The following DYSF variants were observed in gnomAD, a reference collection of about 807,000 sequenced individuals.
DYSF encodes the protein dysferlin.
In DYSF, 212 loss-of-function variants were observed where a neutral mutation model predicts 274.9. That is an observed-to-expected ratio of 0.77 (90% CI 0.69 to 0.86). The LOEUF (loss-of-function observed/expected upper bound fraction) is 0.86. Ranked by LOEUF, DYSF falls within the 40% of genes least tolerant of loss-of-function variation. The pLI, the probability that DYSF is intolerant of heterozygous loss-of-function variation, is 0.00. For missense variants in DYSF, 2,666 were observed against 2,783.2 expected (o/e 0.96, Z 0.95); for synonymous variants, 1,091 against 1,078.7 (o/e 1.01, Z -0.22).
rs374308933 is a variant in DYSF at position 71,602,863 on chromosome 2, G to T, written c.3957+58G>T. The T allele has an allele frequency of 5.2e-5, 84 of 1,600,070 alleles. No homozygotes were observed. The African/African-American group carries it at 1.0e-3, about 20-fold the overall frequency. ...CCGAGGTAGAGGGAAGGTGAAGCCAGCCTTCAAGCACACACCTGGAGCCTT... is the reference window on the plus strand; with the variant it reads ...CCGAGGTAGAGGGAAGGTGAAGCCATCCTTCAAGCACACACCTGGAGCCTT... On this transcript the variant is annotated intron_variant, in intron 36 of 55. Transcript: ENST00000410020.
rs1553506586 is a variant in DYSF, at chr2:71,478,273, GCC to G, written c.92-2609_92-2608del. On this transcript the variant is annotated intron_variant, in intron 1 of 55. Coordinates refer to ENST00000410020, the MANE Select transcript of DYSF (RefSeq NM_001130987.2). ...GTCGCCCAGGCTGGAGTGCAGTGGT[GCC>G]ATCTCGGCTCACTGCAAGCCCCGCC... is the stretch of plus-strand genomic sequence containing the variant. Among the ~76,000 whole-genome samples the G allele has an allele frequency of 4.6e-4, 69 of 149,990 alleles. No homozygotes were observed. The Middle Eastern group carries it at 0.01, about 23-fold the overall frequency.
At chr2:71,583,955 G>A (rs1400366695) in intron 30 of DYSF, among the ~76,000 whole-genome samples, 7 of 152,136 alleles carry the variant, frequency 4.6e-5, no homozygotes, top group Non-Finnish European at 1.0e-4. Context: ...CCAGGGAGCC[G>A]TGGCTTCCAG....
intron 13 of DYSF, 120 bp downstream of exon 13, chr2:71,526,466 C>CCA: frequency 7.1e-7 from 1 of 1,412,298 alleles, no homozygotes; most frequent in Non-Finnish European, 9.5e-7. Context: ...TCTAGGAAAA[C>CCA]AATCAGAATT....
rs2087184385 is a variant in DYSF, at chr2:71,520,840, C to T, written c.1085C>T (p.Ser362Phe). The T allele has an allele frequency of 6.2e-7, 1 of 1,614,008 alleles. No homozygotes were observed. The highest frequency in any genetic ancestry group is 1.3e-5 in the African/African-American group (1 of 74,906). The stretch of plus-strand genomic sequence containing the variant: ...CTGCTCTCAGACCCTGATGACTTCT[C>T]TGCTGGGGCCAGAGGCTACCTGAAA... Reference protein sequence around the residue: ...WLLLSDPDDFSAGARGYLKTS... With the variant: ...WLLLSDPDDFFAGARGYLKTS... Residue 362 changes from serine (S) to phenylalanine (F), a missense_variant, in exon 12 of 56, where the codon TCT (serine) becomes TTT (phenylalanine). Ser to Phe is a radical substitution (Grantham distance 155). This residue lies in a region of DYSF where 794 missense variants were observed against 777.1 expected (regional missense o/e 1.02). Coordinates refer to ENST00000410020, the MANE Select transcript of DYSF (RefSeq NM_001130987.2).
chr2:71,547,173 G>C (rs1288849663), intron 17 of DYSF, among the ~76,000 whole-genome samples: 1 of 152,236 alleles, frequency 6.6e-6, no homozygotes, highest in Non-Finnish European at 1.5e-5. Context: ...CTGTGCTCTT[G>C]AACTGTCTGC....
chr2:71,647,210 G>A (rs1249387514), intron 42 of DYSF, among the ~76,000 whole-genome samples: 1 of 151,916 alleles, frequency 6.6e-6, no homozygotes, highest in African/African-American at 2.4e-5. Flanking sequence ...GAATAACAAG[G>A]TAAATGTTTT....
intron 22 of DYSF, among the ~76,000 whole-genome samples, 164 bp from the exon 23 acceptor site, chr2:71,561,588 C>A (rs535314653): frequency 6.6e-6 from 1 of 152,132 alleles, no homozygotes. Flanking sequence ...GAGGGTGGAG[C>A]ACATCACATA....
intron 17 of DYSF, among the ~76,000 whole-genome samples, chr2:71,543,994 C>T (rs1483790033): frequency 2.0e-5 from 3 of 150,982 alleles, no homozygotes. Context: ...GGGCTCAAGC[C>T]TTCTTTTTTC....
intron 51 of DYSF, among the ~76,000 whole-genome samples, chr2:71,671,095 C>A (rs1022850665): frequency 6.6e-6 from 1 of 152,178 alleles, no homozygotes; most frequent in African/African-American, 2.4e-5. Flanking sequence ...CCCTTCCCAG[C>A]CTAACATGCA....
intron 42 of DYSF, among the ~76,000 whole-genome samples, chr2:71,655,343 G>T (rs1462392637): frequency 6.6e-6 from 1 of 152,106 alleles, no homozygotes; most frequent in Non-Finnish European, 1.5e-5. Context: ...AGAAAAGATA[G>T]AACTTGACCT....
At chr2:71,537,851 C>T (rs1271764834) in intron 16 of DYSF, among the ~76,000 whole-genome samples, 1 of 152,100 alleles carries the variant, frequency 6.6e-6, no homozygotes, top group Non-Finnish European at 1.5e-5. Flanking sequence ...GAGAGGGGGT[C>T]TACGGGGCAC....
intron 49 of DYSF, 32 bp from the exon 50 acceptor site, chr2:71,669,080 T>C: frequency 1.3e-6 from 2 of 1,546,252 alleles, no homozygotes; most frequent in Non-Finnish European, 1.8e-6. Flanking sequence ...TGGTAGGAAA[T>C]CTAGGTGGAT....
chr2:71,461,975 C>T (rs143446750), upstream of DYSF, among the ~76,000 whole-genome samples: 569 of 152,322 alleles, frequency 3.7e-3, 4 homozygotes, highest in African/African-American at 0.013. Context: ...ACCCAGTGAG[C>T]TCTGGGCATA....
In DYSF at chr2:71,686,466, A is replaced by G. The variant is rs2152976526; in HGVS notation, c.6334A>G (p.Met2112Val). Residue 2112 changes from methionine to valine, a missense_variant, in exon 56 of 56, where the codon ATG (methionine) becomes GTG (valine). Around this residue, in one of 3 missense-constraint regions of DYSF, gnomAD observed 1,460 missense variants for 1,502.1 expected, o/e 0.97. Coordinates refer to ENST00000410020, the MANE Select transcript of DYSF (RefSeq NM_001130987.2). ...FIYAFPNYAAMKLVKPFS is the reference protein window; with the variant it reads ...FIYAFPNYAAVKLVKPFS ...TCCCTCCCTCCAGAACTATGCTGCCATGAAGCTGGTGAAGCCCTTCAGCTG... is the reference window on the plus strand; with the variant it reads ...TCCCTCCCTCCAGAACTATGCTGCCGTGAAGCTGGTGAAGCCCTTCAGCTG... The G allele has an allele frequency of 6.2e-7, 1 of 1,614,148 alleles. No individual in the cohort carries two copies. The highest frequency in any genetic ancestry group is 8.5e-7 in the Non-Finnish European group (1 of 1,180,004).
chr2:71,543,903 G>A (rs1417815562), intron 17 of DYSF, among the ~76,000 whole-genome samples: 83 of 148,534 alleles, frequency 5.6e-4, no homozygotes, highest in Non-Finnish European at 9.2e-4. Flanking sequence ...GAGGGAGACC[G>A]TGGGGAGAGG....
chr2:71,545,946 A>G (rs1412951982), intron 17 of DYSF, among the ~76,000 whole-genome samples: 3 of 152,218 alleles, frequency 2.0e-5, no homozygotes, highest in Admixed American at 6.5e-5. Context: ...TCCATCACAG[A>G]TGGTTCTGGA....
At chr2:71,639,107 A>C (rs901193394) in intron 41 of DYSF, among the ~76,000 whole-genome samples, 2 of 152,164 alleles carry the variant, frequency 1.3e-5, no homozygotes, top group African/African-American at 4.8e-5. Context: ...TCCATGTGCT[A>C]TTGGCCATTT....
intron 14 of DYSF, 69 bp downstream of exon 14, chr2:71,528,470 G>C (rs1210896550): frequency 1.5e-6 from 2 of 1,338,162 alleles, no homozygotes; most frequent in Non-Finnish European, 2.1e-6. Context: ...ACTGTGCCGG[G>C]TGAGAGCAAG....
At chr2:71,515,899 T>C in intron 8 of DYSF, 148 bp downstream of exon 8, 2 of 1,249,852 alleles carry the variant, frequency 1.6e-6, no homozygotes, top group East Asian at 2.5e-5. Flanking sequence ...GGAGGTTATC[T>C]GTGGGACTGG....
Sources: gnomAD v4.1 joint callset for allele counts (sites outside exome capture counted in the v4.1 genomes callset) on GRCh38, gnomAD v4.1.1 for gene constraint, gnomAD v4.1.1 regional missense constraint, MANE v1.5 for transcripts, NCBI Gene and HGNC (gene_info 2026-07-23, HGNC 2026-07-21) for gene names.